FHIT: variants seen among roughly 807,000 people sequenced by gnomAD.
FHIT encodes the protein bis(5'-adenosyl)-triphosphatase.
Under a neutral mutation model 17.9 loss-of-function variants are expected in FHIT, and 19 were observed. That is an observed-to-expected ratio of 1.06 (90% CI 0.74 to 1.56). The LOEUF (loss-of-function observed/expected upper bound fraction) is 1.56. Among genes scored for constraint, FHIT ranks in the 40% most tolerant of loss-of-function variants. FHIT has a pLI of 0.00. For missense variants in FHIT, 248 were observed against 189.2 expected, an observed-to-expected ratio of 1.31 and a Z score of -1.82; for synonymous variants, 81 against 69.7, an observed-to-expected ratio of 1.16 and a Z score of -0.81.
At chr3:59,928,062 A>G (rs1193433682) in intron 7 of FHIT, among the ~76,000 whole-genome samples, 1 of 152,192 alleles carries the variant, frequency 6.6e-6, no homozygotes, top group African/African-American at 2.4e-5. Flanking sequence ...GGAAGGCTGA[A>G]GAGCTACCCT....
chr3:60,947,598 G>A (rs902774626), intron 3 of FHIT, among the ~76,000 whole-genome samples: 1 of 152,130 alleles, frequency 6.6e-6, no homozygotes, highest in Non-Finnish European at 1.5e-5. Context: ...ACAATTTGCG[G>A]CTTAACAAAA....
intron 3 of FHIT, among the ~76,000 whole-genome samples, chr3:60,994,683 T>C (rs74746339): frequency 0.013 from 1,908 of 152,188 alleles, 34 homozygotes; most frequent in African/African-American, 0.043. Context: ...GAAGGGACAT[T>C]GAGACCAAAA....
intron 3 of FHIT, among the ~76,000 whole-genome samples, chr3:60,863,932 C>T (rs1704042142): frequency 6.6e-6 from 1 of 152,086 alleles, no homozygotes; most frequent in African/African-American, 2.4e-5. Flanking sequence ...TTTCATACTG[C>T]TATGAAGAAA....
Position 60,839,576 on chromosome 3 carries a change from A to G in FHIT, c.-110-17565T>C, listed in dbSNP as rs138714249. Among the ~76,000 whole-genome samples the G allele has an allele frequency of 2.2e-4, 33 of 152,284 alleles. No individual in the cohort carries two copies. In the East Asian group the frequency reaches 4.4e-3, roughly 20 times the overall value. Reference sequence around the variant, plus strand: ...TTATTTACTAAATGAAAATTTTCCAATGACAGTGGCTGAGAAAAAAAAATC... The same window carrying G: ...TTATTTACTAAATGAAAATTTTCCAGTGACAGTGGCTGAGAAAAAAAAATC... On this transcript the variant is annotated intron_variant, in intron 3 of 9. Transcript: ENST00000492590.
chr3:60,415,755 A>G (rs976735015), intron 5 of FHIT, among the ~76,000 whole-genome samples: 15 of 149,700 alleles, frequency 1.0e-4, no homozygotes, highest in African/African-American at 3.4e-4. Context: ...AAAAGTCTCT[A>G]TCATGGATTA....
intron 5 of FHIT, chr3:60,077,279 G>A (rs879690510): frequency 2.0e-5 from 3 of 151,872 alleles, no homozygotes; most frequent in Non-Finnish European, 2.9e-5. Flanking sequence ...ATGTGTATAA[G>A]TACACATGCA....
At chr3:61,217,185 T>C (rs1258488681) in intron 1 of FHIT, among the ~76,000 whole-genome samples, 2 of 152,146 alleles carry the variant, frequency 1.3e-5, no homozygotes, top group African/African-American at 2.4e-5. Context: ...TAAGAATTTA[T>C]TATCTCTCAC....
intron 5 of FHIT, among the ~76,000 whole-genome samples, chr3:60,489,314 T>C (rs2033968479): frequency 6.6e-6 from 1 of 152,184 alleles, no homozygotes; most frequent in African/African-American, 2.4e-5. Flanking sequence ...ACATATGATC[T>C]CATTTTAAAA....
At chr3:60,153,014 A>G (rs1158332354) in intron 5 of FHIT, among the ~76,000 whole-genome samples, 3 of 152,184 alleles carry the variant, frequency 2.0e-5, no homozygotes, top group South Asian at 4.1e-4. Flanking sequence ...CTTAACCAAG[A>G]GTCAACTCAA....
At chr3:60,556,153 C>T (rs2036731635) in intron 4 of FHIT, among the ~76,000 whole-genome samples, 1 of 152,180 alleles carries the variant, frequency 6.6e-6, no homozygotes, top group African/African-American at 2.4e-5. Context: ...GTGAGTCTCT[C>T]ACAGCCATCT....
Position 60,387,394 on chromosome 3 carries a change from C to A in FHIT, c.103+149466G>T, listed in dbSNP as rs554990804. 3.3e-5 allele frequency among the ~76,000 whole-genome samples: 5 copies of A among 152,246 alleles called. No individual in the cohort carries two copies. In the East Asian group the frequency reaches 7.7e-4, roughly 24 times the overall value. On this transcript the variant is annotated intron_variant, in intron 5 of 9. Coordinates refer to ENST00000492590, the MANE Select transcript of FHIT (RefSeq NM_002012.4). Reference sequence around the variant, plus strand: ...TATTATACTTCCTAAGGAATGGACACTTAAAACTTCCCGAACTGATCAAAA... The same window carrying A: ...TATTATACTTCCTAAGGAATGGACAATTAAAACTTCCCGAACTGATCAAAA...
intron 4 of FHIT, among the ~76,000 whole-genome samples, chr3:60,590,861 G>GA (rs373422841): frequency 6.6e-6 from 1 of 152,034 alleles, no homozygotes. Context: ...CAGGATTACA[G>GA]AAAAAGGGCT....
chr3:60,736,658 T>G (rs1372811889), intron 4 of FHIT, among the ~76,000 whole-genome samples: 1 of 152,238 alleles, frequency 6.6e-6, no homozygotes, highest in Non-Finnish European at 1.5e-5. Context: ...GGACAGTGAC[T>G]GTTAATGGCT....
intron 4 of FHIT, among the ~76,000 whole-genome samples, chr3:60,629,238 C>T (rs902700045): frequency 2.6e-5 from 4 of 152,156 alleles, no homozygotes; most frequent in Admixed American, 6.5e-5. Flanking sequence ...TTGGCCACAT[C>T]TGCCCAGAGT....
intron 4 of FHIT, among the ~76,000 whole-genome samples, chr3:60,722,316 A>G (rs1455151386): frequency 6.6e-6 from 1 of 152,216 alleles, no homozygotes; most frequent in Non-Finnish European, 1.5e-5. Context: ...TGCATGGAGA[A>G]TTTCTCATTT....
At chr3:59,909,780 T>C (rs945148100) in intron 8 of FHIT, among the ~76,000 whole-genome samples, 6 of 152,320 alleles carry the variant, frequency 3.9e-5, no homozygotes, top group Admixed American at 3.3e-4. Context: ...CTTCTGCCAA[T>C]GAATGAAAAA....
chr3:60,660,729 C>CTTTTTTTTTTTTTGTTTTTTTTTTTTT (rs2040223570), intron 4 of FHIT, among the ~76,000 whole-genome samples: 1 of 37,278 alleles, frequency 2.7e-5, no homozygotes, highest in African/African-American at 8.2e-5. Flanking sequence ...TTATTGTGCT[C>CTTTTTTTTTTTTTGTTTTTTTTTTTTT]TTTTTTTTTT....
At chr3:60,877,113 A>G (rs541798581) in intron 3 of FHIT, among the ~76,000 whole-genome samples, 1 of 152,174 alleles carries the variant, frequency 6.6e-6, no homozygotes, top group East Asian at 1.9e-4. Flanking sequence ...ACACAGCCAC[A>G]CTCACCTCAG....
intron 8 of FHIT, among the ~76,000 whole-genome samples, chr3:59,902,125 T>A (rs1026425368): frequency 6.6e-6 from 1 of 151,914 alleles, no homozygotes; most frequent in Non-Finnish European, 1.5e-5. Flanking sequence ...ATAACCCAAT[T>A]AAAAAATGAG....
Sources: gnomAD v4.1 joint callset for allele counts (sites outside exome capture counted in the v4.1 genomes callset) on GRCh38, gnomAD v4.1.1 for gene constraint, MANE v1.5 for transcripts, NCBI Gene and HGNC (gene_info 2026-07-23, HGNC 2026-07-21) for gene names.